The following FHIT variants were observed in gnomAD, a reference collection of about 807,000 sequenced individuals.
The protein encoded by FHIT is fragile histidine triad diadenosine triphosphatase, also known as bis(5'-adenosyl)-triphosphatase.
Under a neutral mutation model 17.9 loss-of-function variants are expected in FHIT, and 19 were observed. The observed-to-expected ratio is 1.06, with a 90% CI of 0.74 to 1.56. The LOEUF (loss-of-function observed/expected upper bound fraction) is 1.56. Among genes scored for constraint, FHIT ranks in the 40% most tolerant of loss-of-function variants. The probability of loss-of-function intolerance (pLI) is 0.00; values close to 1 mark genes in which losing one functional copy is unlikely to be tolerated. For synonymous variants in FHIT, 81 were observed against 69.7 expected, an observed-to-expected ratio of 1.16 and a Z score of -0.81; for missense variants, 248 against 189.2, an observed-to-expected ratio of 1.31 and a Z score of -1.82.
At chr3:60,323,642 C>T (rs1178415741) in intron 5 of FHIT, among the ~76,000 whole-genome samples, 1 of 152,210 alleles carries the variant, frequency 6.6e-6, no homozygotes, top group Admixed American at 6.5e-5. Context: ...ATCCCTGTGC[C>T]TCCTGTACTA....
intron 5 of FHIT, among the ~76,000 whole-genome samples, chr3:60,357,490 C>A (rs947967247): frequency 2.6e-5 from 4 of 152,150 alleles, no homozygotes; most frequent in Non-Finnish European, 5.9e-5. Context: ...GGTGATCCAC[C>A]TGCCTCAGCC....
chr3:59,775,858 C>G (rs753452884), intron 8 of FHIT, among the ~76,000 whole-genome samples: 4 of 152,152 alleles, frequency 2.6e-5, no homozygotes, highest in Non-Finnish European at 4.4e-5. Context: ...TAGGATAAAT[C>G]TAATTAGTTT....
rs147411080 is a variant in FHIT at position 60,824,925 on chromosome 3, T to C, written c.-110-2914A>G. On this transcript the variant is annotated intron_variant, in intron 3 of 9. Coordinates refer to ENST00000492590, the MANE Select transcript of FHIT (RefSeq NM_002012.4). ...GTTGTAAATTGCCCAATCTCCAGTA[T>C]GTCTTTATCAGCAGCATGAAAACTG... Among the ~76,000 whole-genome samples the C allele has an allele frequency of 3.5e-4, 53 of 152,312 alleles. No individual in the cohort carries two copies. The East Asian group carries it at 0.01, about 29-fold the overall frequency.
intron 5 of FHIT, among the ~76,000 whole-genome samples, chr3:60,086,782 G>C: frequency 6.6e-6 from 1 of 152,216 alleles, no homozygotes. Context: ...AACTTCAGTG[G>C]GTGCAGCTCA....
intron 2 of FHIT, among the ~76,000 whole-genome samples, chr3:61,129,298 G>A (rs2036699066): frequency 6.6e-6 from 1 of 152,214 alleles, no homozygotes; most frequent in Non-Finnish European, 1.5e-5. Context: ...ATGAGAAAAT[G>A]AGAAAGCAAT....
rs114717735 is a variant in FHIT at position 60,430,772 on chromosome 3, C to T, written c.103+106088G>A. Among the ~76,000 whole-genome samples, 813 of 152,068 alleles carry T rather than the reference C, an allele frequency of 5.3e-3. 9 individuals carry two copies. Among genetic ancestry groups the T allele is most frequent in the African/African-American group, 0.019 (778 of 41,490 alleles). Reference sequence around the variant, plus strand: ...TGGGAGATTACATCTATGTAAGGTTCGATGTACTCTACTAATTAAAGATCT... The same window carrying T: ...TGGGAGATTACATCTATGTAAGGTTTGATGTACTCTACTAATTAAAGATCT... On this transcript the variant is annotated intron_variant, in intron 5 of 9. Coordinates refer to ENST00000492590, the MANE Select transcript of FHIT (RefSeq NM_002012.4).
intron 3 of FHIT, among the ~76,000 whole-genome samples, chr3:60,833,652 T>C (rs1178432043): frequency 6.6e-6 from 1 of 152,168 alleles, no homozygotes; most frequent in African/African-American, 2.4e-5. Context: ...ATGCCCTTTA[T>C]CCAATTCCCT....
At chr3:59,821,600 C>T (rs1700791319) in intron 8 of FHIT, among the ~76,000 whole-genome samples, 2 of 152,134 alleles carry the variant, frequency 1.3e-5, no homozygotes, top group South Asian at 2.1e-4. Flanking sequence ...GTAGTGTAAA[C>T]AAGACTGGCT....
chr3:60,865,432 T>C (rs947484532), intron 3 of FHIT, among the ~76,000 whole-genome samples: 2 of 152,170 alleles, frequency 1.3e-5, no homozygotes, highest in Non-Finnish European at 2.9e-5. Flanking sequence ...GGGAAAAAAA[T>C]GAACTACTTA....
intron 3 of FHIT, among the ~76,000 whole-genome samples, chr3:60,853,480 C>A (rs555066411): frequency 6.6e-5 from 10 of 152,108 alleles, no homozygotes; most frequent in African/African-American, 2.4e-4. Flanking sequence ...ATGACCTTCA[C>A]GAGCACCCAA....
intron 2 of FHIT, among the ~76,000 whole-genome samples, chr3:61,086,535 T>G (rs570271480): frequency 1.3e-5 from 2 of 152,204 alleles, no homozygotes; most frequent in Non-Finnish European, 2.9e-5. Context: ...ATTGGACTTT[T>G]AAGCTTTTCA....
At chr3:60,889,029 C>T (rs773275985) in intron 3 of FHIT, among the ~76,000 whole-genome samples, 1 of 152,100 alleles carries the variant, frequency 6.6e-6, no homozygotes, top group Admixed American at 6.5e-5. Context: ...TAACCTTTTT[C>T]GATTACCTAC....
Position 60,011,369 on chromosome 3 carries a change from AC to A in FHIT, c.279+1del. On this transcript the variant is annotated splice_donor_variant, in intron 7 of 9. Transcript: ENST00000492590. LOFTEE classifies it high-confidence loss of function. ...ATTTGTATGCACATAATAAGCACTC[AC>A]CTTCACAGTCTGTCCGGCTTCGGGG... The A allele has an allele frequency of 6.2e-7, 1 of 1,613,652 alleles. No individual in the cohort carries two copies. Among genetic ancestry groups the A allele is most frequent in the East Asian group, 2.2e-5 (1 of 44,834 alleles).
intron 5 of FHIT, among the ~76,000 whole-genome samples, chr3:60,493,210 C>T (rs1461076801): frequency 6.6e-6 from 1 of 152,132 alleles, no homozygotes; most frequent in Non-Finnish European, 1.5e-5. Flanking sequence ...AAGGACAATA[C>T]ACACAAGGAC....
At chr3:60,000,936 C>G (rs933617608) in intron 7 of FHIT, among the ~76,000 whole-genome samples, 1 of 152,262 alleles carries the variant, frequency 6.6e-6, no homozygotes, top group South Asian at 2.1e-4. Flanking sequence ...AAGCTCATTC[C>G]CACTGCCATT....
chr3:59,916,888 T>C (rs1445002965), intron 8 of FHIT, among the ~76,000 whole-genome samples: 3 of 152,206 alleles, frequency 2.0e-5, no homozygotes, highest in Admixed American at 6.5e-5. Context: ...CACCAAAGTT[T>C]TCATTCCAAA....
chr3:60,086,299 C>T lies in FHIT; in HGVS notation c.104-72147G>A, dbSNP rs149115318. On this transcript the variant is annotated intron_variant, in intron 5 of 9. Coordinates refer to ENST00000492590, the MANE Select transcript of FHIT (RefSeq NM_002012.4). ...CAAACACCTCCCCCAGGCCCCACCT[C>T]CCATCATTGGGGATCAAGTTTCAAC... Among the ~76,000 whole-genome samples, 115 of 152,284 alleles carry T rather than the reference C, an allele frequency of 7.6e-4. 1 individual carries two copies. The highest frequency in any genetic ancestry group is 2.6e-3 in the African/African-American group (110 of 41,552).
intron 4 of FHIT, among the ~76,000 whole-genome samples, chr3:60,821,089 C>A (rs1422137872): frequency 6.6e-6 from 1 of 151,974 alleles, no homozygotes; most frequent in Admixed American, 6.6e-5. Context: ...GATTCTCCTG[C>A]CTCAGCCTCC....
chr3:60,507,799 T>C (rs1292900892), intron 5 of FHIT, among the ~76,000 whole-genome samples: 15 of 152,200 alleles, frequency 9.9e-5, no homozygotes, highest in East Asian at 1.9e-4. Context: ...CCTGCATTAG[T>C]TTGCTAAAGA....
Sources: gnomAD v4.1 joint callset for allele counts (sites outside exome capture counted in the v4.1 genomes callset) on GRCh38, gnomAD v4.1.1 for gene constraint, MANE v1.5 for transcripts, NCBI Gene and HGNC (gene_info 2026-07-23, HGNC 2026-07-21) for gene names.